The following ARFGEF3 variants were observed in gnomAD, a reference collection of about 807,000 sequenced individuals.
ARFGEF3 encodes the protein ARFGEF family member 3.
A neutral mutation model predicts 221.7 loss-of-function variants in ARFGEF3; 96 were observed. The observed-to-expected ratio is 0.43, with a 90% confidence interval of 0.37 to 0.51. The LOEUF is 0.51. Ranked by LOEUF, ARFGEF3 falls within the 20% of genes least tolerant of loss-of-function variation. The pLI is 0.00. For synonymous variants in ARFGEF3, 1,145 were observed against 1,126.8 expected (o/e 1.02, Z -0.32); for missense variants, 2,410 against 2,789.9 (o/e 0.86, Z 3.07).
At chr6:138,332,597 C>T (rs940498664) in intron 32 of ARFGEF3, among the ~76,000 whole-genome samples, 1 of 152,020 alleles carries the variant, frequency 6.6e-6, no homozygotes, top group South Asian at 2.1e-4. Flanking sequence ...TAAGTAGGAG[C>T]TGGGGCTGGG....
At chr6:138,244,068 C>G (rs1778441880) in intron 7 of ARFGEF3, among the ~76,000 whole-genome samples, 2 of 152,190 alleles carry the variant, frequency 1.3e-5, no homozygotes, top group South Asian at 4.1e-4. Context: ...GGATACATCT[C>G]TAAAAAATAT....
intron 2 of ARFGEF3, among the ~76,000 whole-genome samples, chr6:138,186,525 A>G (rs1223280800): frequency 3.3e-5 from 5 of 152,200 alleles, no homozygotes. Flanking sequence ...CGGTAAAGCA[A>G]AAGTTTTCCA....
At chr6:138,301,709 T>G (rs1779631994) in intron 22 of ARFGEF3, among the ~76,000 whole-genome samples, 1 of 151,826 alleles carries the variant, frequency 6.6e-6, no homozygotes, top group Non-Finnish European at 1.5e-5. Context: ...CATCAGAAAA[T>G]AAAAGGGAGA....
At chr6:138,298,574 G>A (rs764227829) in intron 21 of ARFGEF3, 32 bp from the exon 22 acceptor site, 89 of 1,591,728 alleles carry the variant, frequency 5.6e-5, no homozygotes, top group Non-Finnish European at 7.5e-5. Context: ...CTGCTGTCCT[G>A]ATGGTGAGCC....
Position 138,291,849 on chromosome 6 carries a change from A to C in ARFGEF3, c.3164A>C (p.Asp1055Ala). ...ACTGGAAGCGCTGGCCTCCTTGGGG[A>C]CCCCGAGTGTGAGGGCTCGCCCCCC... is the stretch of plus-strand genomic sequence containing the variant. Reference protein sequence around the residue: ...KATGSAGLLGDPECEGSPPEH... With the variant: ...KATGSAGLLGAPECEGSPPEH... The change falls in exon 19 of 34, where the codon GAC becomes GCC. Residue 1055 changes from aspartate to alanine, a missense_variant. Asp to Ala is a moderately radical substitution (Grantham distance 126). This residue lies in a region of ARFGEF3 where 184 missense variants were observed against 141.8 expected (regional missense o/e 1.30). Coordinates refer to ENST00000251691, the MANE Select transcript of ARFGEF3 (RefSeq NM_020340.5). This position sits in a 1 kb window ranked among gnomAD's most constrained non-coding sequence, Gnocchi z 4.5. The C allele has an allele frequency of 6.7e-7, 1 of 1,498,378 alleles. No individual in the cohort carries two copies. Among genetic ancestry groups the C allele is most frequent in the Non-Finnish European group, 8.9e-7 (1 of 1,120,544 alleles). The allele number at this position is 1,498,378 out of a possible 1,614,324, so 92.8% of individuals were successfully genotyped here. A position where few individuals can be genotyped will look rare whatever the true frequency, so the allele number is the denominator to read the frequency against.
chr6:138,331,323 C>A (rs1044987815), intron 32 of ARFGEF3, among the ~76,000 whole-genome samples: 4 of 152,242 alleles, frequency 2.6e-5, no homozygotes, highest in Non-Finnish European at 4.4e-5. Flanking sequence ...CCTTAACATT[C>A]TTTAAGAGCT....
At chr6:138,331,970 A>G (rs569210022) in intron 32 of ARFGEF3, among the ~76,000 whole-genome samples, 45 of 151,782 alleles carry the variant, frequency 3.0e-4, no homozygotes, top group South Asian at 2.1e-3. Context: ...TTTTACATGC[A>G]TGGTTAACAG....
At chr6:138,194,356 G>A (rs891208324) in intron 2 of ARFGEF3, among the ~76,000 whole-genome samples, 4 of 151,900 alleles carry the variant, frequency 2.6e-5, no homozygotes, top group Admixed American at 6.6e-5. Context: ...TTAGGAACCT[G>A]CTGCTGCTGC....
chr6:138,307,147 T>C, intron 22 of ARFGEF3, 106 bp from the exon 23 acceptor site: 1 of 1,201,874 alleles, frequency 8.3e-7, no homozygotes, highest in Non-Finnish European at 1.2e-6. Context: ...TCCTTTTCAC[T>C]AAAATTAACT....
intron 1 of ARFGEF3, among the ~76,000 whole-genome samples, chr6:138,169,558 T>C (rs572020061): frequency 1.3e-5 from 2 of 152,352 alleles, no homozygotes; most frequent in African/African-American, 4.8e-5. Flanking sequence ...CAGTCCCTGC[T>C]GTGCTAACTG....
chr6:138,294,241 A>C, intron 20 of ARFGEF3, 115 bp downstream of exon 20: 78 of 1,104,832 alleles, frequency 7.1e-5, no homozygotes, highest in Non-Finnish European at 8.9e-5. Context: ...GCTTACACTC[A>C]CACAAGCTAA....
intron 4 of ARFGEF3, among the ~76,000 whole-genome samples, chr6:138,214,225 G>C (rs1411008921): frequency 6.6e-6 from 1 of 152,116 alleles, no homozygotes; most frequent in Non-Finnish European, 1.5e-5. Context: ...AAAAATTATA[G>C]AAGAGAGAAT....
At chr6:138,170,873 TG>T (rs1302838300) in intron 2 of ARFGEF3, among the ~76,000 whole-genome samples, 160 bp downstream of exon 2, 1 of 152,208 alleles carries the variant, frequency 6.6e-6, no homozygotes, top group African/African-American at 2.4e-5. Flanking sequence ...TATTAGTTCA[TG>T]GTTCTGGAGG....
intron 4 of ARFGEF3, chr6:138,218,535 T>C: frequency 2.9e-6 from 4 of 1,356,592 alleles, no homozygotes; most frequent in Non-Finnish European, 3.9e-6. Flanking sequence ...AAACACCCAC[T>C]CTTTAGCTGA....
intron 4 of ARFGEF3, chr6:138,217,946 A>G (rs1562357318): frequency 2.6e-6 from 4 of 1,547,334 alleles, no homozygotes; most frequent in Non-Finnish European, 3.5e-6. Context: ...CTTTTCAACC[A>G]TTTTTATTTT....
intron 1 of ARFGEF3, among the ~76,000 whole-genome samples, chr6:138,163,536 C>A (rs1776660688): frequency 6.6e-6 from 1 of 152,096 alleles, no homozygotes; most frequent in Admixed American, 6.5e-5. Context: ...TTTAAACATG[C>A]CATTCCTAGT....
chr6:138,320,250 G>T lies in ARFGEF3; in HGVS notation c.4651+371G>T, dbSNP rs146228179. ...AGCCTGTGGGGGGGTAGCGGGTATA[G>T]CCTGTCACCCTGCTTCATCTGGGGA... On this transcript the variant is annotated intron_variant, in intron 28 of 33. Coordinates refer to ENST00000251691, the MANE Select transcript of ARFGEF3 (RefSeq NM_020340.5). Among the ~76,000 whole-genome samples, 240 of 152,324 alleles carry T rather than the reference G, an allele frequency of 1.6e-3. 1 individual carries two copies. Among genetic ancestry groups the T allele is most frequent in the African/African-American group, 5.5e-3 (227 of 41,576 alleles).
At chr6:138,269,254 T>C (rs1251767397) in intron 12 of ARFGEF3, among the ~76,000 whole-genome samples, 6 of 152,266 alleles carry the variant, frequency 3.9e-5, no homozygotes, top group African/African-American at 9.6e-5. Context: ...CCCCTGTCTC[T>C]TCACCCTCTA....
At chr6:138,308,169 A>G (rs1424247011) in intron 23 of ARFGEF3, among the ~76,000 whole-genome samples, 1 of 152,174 alleles carries the variant, frequency 6.6e-6, no homozygotes, top group Non-Finnish European at 1.5e-5. Flanking sequence ...CAGACTCCCA[A>G]CAGGAAAGCA....
Sources: allele counts gnomAD v4.1 joint callset (sites outside exome capture counted in the v4.1 genomes callset), GRCh38; gene constraint gnomAD v4.1.1; regional missense constraint gnomAD v4.1.1; non-coding constraint Gnocchi (gnomAD v3.1); transcripts MANE v1.5; gene names NCBI Gene and HGNC (gene_info 2026-07-23, HGNC 2026-07-21).